Variants in SLC26A7 observed in about 807,000 individuals in gnomAD.
The protein encoded by SLC26A7 is anion exchange transporter.
Under a neutral mutation model 82.5 loss-of-function variants are expected in SLC26A7, and 59 were observed. The observed-to-expected ratio is 0.72, with a 90% CI of 0.58 to 0.89. The LOEUF (loss-of-function observed/expected upper bound fraction) is 0.89. Among genes scored for constraint, SLC26A7 ranks in the 40% least tolerant of loss-of-function variants. The pLI, the probability that SLC26A7 is intolerant of heterozygous loss-of-function variation, is 0.00. For synonymous variants in SLC26A7, 271 were observed against 274.3 expected (o/e 0.99, Z 0.12); for missense variants, 820 against 793.0 (o/e 1.03, Z -0.41).
chr8:91,278,740 CT>C (rs1248187681), intron 2 of SLC26A7, among the ~76,000 whole-genome samples: 1 of 151,954 alleles, frequency 6.6e-6, no homozygotes, highest in Non-Finnish European at 1.5e-5. Context: ...TTACCTCACA[CT>C]TTTTTTGTTG....
At chr8:91,340,954 T>C (rs1055800022) in intron 8 of SLC26A7, among the ~76,000 whole-genome samples, 4 of 151,922 alleles carry the variant, frequency 2.6e-5, no homozygotes, top group Non-Finnish European at 4.4e-5. Context: ...ATACTGATCA[T>C]ATTTCTGAAA....
rs149269166 is a variant in SLC26A7 at position 91,293,455 on chromosome 8, TG to T, written c.305-2074del. ...CACTGGCAGTCCCACTTCCCTTGATTGGCCTTCATTATCTCAGAAACAGCAA... is the reference window on the plus strand; with the variant it reads ...CACTGGCAGTCCCACTTCCCTTGATTGCCTTCATTATCTCAGAAACAGCAA... On this transcript the variant is annotated intron_variant, in intron 3 of 18. Transcript: ENST00000276609. 1.1e-3 allele frequency among the ~76,000 whole-genome samples: 169 copies of T among 152,338 alleles called. 4 individuals are homozygous for T. The East Asian group carries it at 0.026, about 24-fold the overall frequency.
chr8:91,347,933 G>C (rs1586437882), intron 9 of SLC26A7, among the ~76,000 whole-genome samples: 1 of 152,150 alleles, frequency 6.6e-6, no homozygotes, highest in Non-Finnish European at 1.5e-5. Context: ...GGTAAGTATG[G>C]GAGGGAGCTC....
chr8:91,379,549 A>G (rs1814612339), intron 15 of SLC26A7, among the ~76,000 whole-genome samples: 1 of 152,044 alleles, frequency 6.6e-6, no homozygotes, highest in Non-Finnish European at 1.5e-5. Context: ...AAATGGCACT[A>G]TAGAGCAATG....
At chr8:91,393,691 G>T in intron 16 of SLC26A7, 106 bp from the exon 17 acceptor site, 8 of 1,242,726 alleles carry the variant, frequency 6.4e-6, no homozygotes, top group Non-Finnish European at 9.2e-6. Flanking sequence ...GTTTGACTTC[G>T]TAAACATCGG....
intron 4 of SLC26A7, among the ~76,000 whole-genome samples, chr8:91,311,478 G>A (rs919829941): frequency 2.7e-4 from 41 of 151,806 alleles, no homozygotes; most frequent in African/African-American, 9.7e-4. Flanking sequence ...TATATATAAT[G>A]TGGAAAAATA....
chr8:91,223,220 C>G (rs755164698), intron 2 of SLC26A7, among the ~76,000 whole-genome samples: 7 of 151,436 alleles, frequency 4.6e-5, no homozygotes, highest in Non-Finnish European at 1.0e-4. Flanking sequence ...TGATTCTTCT[C>G]TCTCTTCTTC....
chr8:91,362,306 G>C (rs776444637), intron 11 of SLC26A7, 47 bp from the exon 12 acceptor site: 3 of 1,427,398 alleles, frequency 2.1e-6, no homozygotes, highest in Non-Finnish European at 2.9e-6. Flanking sequence ...ATGAGAAGAA[G>C]TGAATTCCAA....
chr8:91,351,753 C>T (rs1380936167), intron 9 of SLC26A7, 57 bp from the exon 10 acceptor site: 13 of 1,172,082 alleles, frequency 1.1e-5, no homozygotes, highest in South Asian at 5.0e-5. Flanking sequence ...ATAACTTTGA[C>T]ATAATAAAAA....
At chr8:91,235,077 G>A (rs1461232322) in intron 2 of SLC26A7, among the ~76,000 whole-genome samples, 4 of 151,900 alleles carry the variant, frequency 2.6e-5, no homozygotes, top group African/African-American at 7.3e-5. Context: ...GAGTGACCAC[G>A]CGAGGCTAAT....
intron 15 of SLC26A7, among the ~76,000 whole-genome samples, chr8:91,388,514 A>AT (rs1814865567): frequency 1.3e-5 from 2 of 152,068 alleles, no homozygotes; most frequent in African/African-American, 2.4e-5. Context: ...TTAAGAATTA[A>AT]TTTTTTCAGA....
At chr8:91,316,806 G>A (rs74465884) in intron 4 of SLC26A7, among the ~76,000 whole-genome samples, 1,847 of 151,226 alleles carry the variant, frequency 0.012, 20 homozygotes, top group South Asian at 0.046. Context: ...CAAAGTGTGG[G>A]CCATCTTCTC....
chr8:91,393,034 AT>A (rs1022788321), intron 16 of SLC26A7, among the ~76,000 whole-genome samples: 1 of 152,212 alleles, frequency 6.6e-6, no homozygotes, highest in African/African-American at 2.4e-5. Context: ...GAAATTTTGA[AT>A]GTACAATGCA....
intron 1 of SLC26A7, among the ~76,000 whole-genome samples, chr8:91,214,835 A>T (rs1810010025): frequency 6.6e-6 from 1 of 150,986 alleles, no homozygotes; most frequent in Non-Finnish European, 1.5e-5. Flanking sequence ...AGTCAAGTAG[A>T]TCAGAAATTC....
At chr8:91,215,474 CAA>C (rs1218036403) in intron 1 of SLC26A7, among the ~76,000 whole-genome samples, 1 of 151,926 alleles carries the variant, frequency 6.6e-6, no homozygotes, top group Non-Finnish European at 1.5e-5. Context: ...TAAAACTTAG[CAA>C]AGAGTAATAT....
chr8:91,354,015 A>C (rs1813795186), intron 11 of SLC26A7, among the ~76,000 whole-genome samples: 1 of 152,122 alleles, frequency 6.6e-6, no homozygotes, highest in Non-Finnish European at 1.5e-5. Context: ...ATTAACATGA[A>C]AGACTCTCAC....
intron 1 of SLC26A7, among the ~76,000 whole-genome samples, chr8:91,209,702 G>C (rs1809871142): frequency 6.6e-6 from 1 of 152,154 alleles, no homozygotes; most frequent in Non-Finnish European, 1.5e-5. Flanking sequence ...GTTTAATGCT[G>C]TGATTAGGTA....
intron 1 of SLC26A7, among the ~76,000 whole-genome samples, chr8:91,215,577 T>C (rs1810029742): frequency 6.6e-6 from 1 of 152,166 alleles, no homozygotes; most frequent in Non-Finnish European, 1.5e-5. Context: ...CAAATATTAA[T>C]GGTGAAAAAG....
chr8:91,256,006 T>C (rs1810791472), intron 2 of SLC26A7, among the ~76,000 whole-genome samples: 1 of 152,128 alleles, frequency 6.6e-6, no homozygotes, highest in Non-Finnish European at 1.5e-5. Context: ...TAACCCCTGT[T>C]CCATATATAG....
Sources: gnomAD v4.1 joint callset for allele counts (sites outside exome capture counted in the v4.1 genomes callset) on GRCh38, gnomAD v4.1.1 for gene constraint, MANE v1.5 for transcripts, NCBI Gene and HGNC (gene_info 2026-07-23, HGNC 2026-07-21) for gene names.